Variants in ME3 observed in about 807,000 individuals in gnomAD.
The protein encoded by ME3 is malic enzyme 3.
ME3 carries 48 observed loss-of-function variants against 68.9 expected under a neutral mutation model. The ratio of observed to expected loss-of-function variants is 0.70; its 90% CI spans 0.55 to 0.89. ME3 has a LOEUF of 0.89. ME3 is among the 40% of genes least tolerant of loss of function. ME3 has a pLI of 0.00. For synonymous variants in ME3, 320 were observed against 318.8 expected, an observed-to-expected ratio of 1.00 and a Z score of -0.04; for missense variants, 675 against 797.4, an observed-to-expected ratio of 0.85 and a Z score of 1.85.
At chr11:86,442,900 G>T (rs780324136) in exon 14 of ME3, 1 of 1,612,856 alleles carries the variant, frequency 6.2e-7, no homozygotes, top group South Asian at 1.1e-5. Context: ...ATGCTGCTCA[G>T]AGACTTCCTG....
intron 4 of ME3, among the ~76,000 whole-genome samples, chr11:86,519,698 G>A (rs1954131590): frequency 6.6e-6 from 1 of 152,218 alleles, no homozygotes; most frequent in African/African-American, 2.4e-5. Flanking sequence ...CCTGCAAGAT[G>A]CTATTTTTAG....
At chr11:86,670,430 T>C (rs1200751073) in intron 2 of ME3, among the ~76,000 whole-genome samples, 2 of 152,330 alleles carry the variant, frequency 1.3e-5, no homozygotes, top group Non-Finnish European at 2.9e-5. Flanking sequence ...CAACCCTTCC[T>C]CTAGATTCTT....
intron 2 of ME3, among the ~76,000 whole-genome samples, chr11:86,626,349 C>T (rs1468748970): frequency 6.6e-6 from 1 of 152,206 alleles, no homozygotes; most frequent in Non-Finnish European, 1.5e-5. Context: ...CCAGGGAATG[C>T]TTCTTCACCT....
At chr11:86,593,317 C>T (rs1959164533) in intron 2 of ME3, among the ~76,000 whole-genome samples, 1 of 146,752 alleles carries the variant, frequency 6.8e-6, no homozygotes, top group African/African-American at 2.5e-5. Flanking sequence ...GGAATTTTAA[C>T]ACCTGTCATA....
chr11:86,446,534 G>C (rs771393541), intron 12 of ME3, 47 bp from the exon 13 acceptor site: 19 of 1,582,778 alleles, frequency 1.2e-5, no homozygotes, highest in Non-Finnish European at 8.7e-7. Context: ...ATTGGTTTGG[G>C]GTAATAATAG....
intron 10 of ME3, among the ~76,000 whole-genome samples, chr11:86,449,195 T>A (rs949689723): frequency 2.0e-5 from 3 of 152,252 alleles, no homozygotes; most frequent in African/African-American, 7.2e-5. Context: ...TGACATTCTA[T>A]GTTAGTGAAA....
At chr11:86,477,251 G>T (rs969489735) in intron 7 of ME3, among the ~76,000 whole-genome samples, 5 of 152,152 alleles carry the variant, frequency 3.3e-5, no homozygotes, top group African/African-American at 9.7e-5. Context: ...TCTAGAATTC[G>T]TGCTTTTAAC....
At chr11:86,490,323 G>T (rs1041953286) in intron 6 of ME3, among the ~76,000 whole-genome samples, 6 of 152,110 alleles carry the variant, frequency 3.9e-5, no homozygotes, top group Non-Finnish European at 8.8e-5. Flanking sequence ...CCCTGGATTG[G>T]ACACCCTTGA....
intron 2 of ME3, among the ~76,000 whole-genome samples, chr11:86,652,334 C>A (rs1173656572): frequency 6.6e-6 from 1 of 152,152 alleles, no homozygotes; most frequent in Non-Finnish European, 1.5e-5. Context: ...ATGTTAAGGG[C>A]AGCCAGAGAA....
At chr11:86,649,429 C>T (rs1041064801) in intron 2 of ME3, among the ~76,000 whole-genome samples, 3 of 152,326 alleles carry the variant, frequency 2.0e-5, no homozygotes, top group African/African-American at 2.4e-5. Context: ...TCTCTCACCA[C>T]TCCTATTCAA....
chr11:86,523,694 T>C (rs1248185503), intron 4 of ME3, among the ~76,000 whole-genome samples: 1 of 152,154 alleles, frequency 6.6e-6, no homozygotes, highest in Non-Finnish European at 1.5e-5. Flanking sequence ...TGAAGAAGTA[T>C]ACATGCAATT....
At chr11:86,635,995 G>T (rs995561885) in intron 2 of ME3, among the ~76,000 whole-genome samples, 2 of 152,140 alleles carry the variant, frequency 1.3e-5, no homozygotes, top group Non-Finnish European at 2.9e-5. Context: ...CCTAGTCCCC[G>T]TATCCTGGGA....
At chr11:86,539,729 C>A (rs1955918148) in intron 4 of ME3, among the ~76,000 whole-genome samples, 1 of 152,152 alleles carries the variant, frequency 6.6e-6, no homozygotes, top group African/African-American at 2.4e-5. Flanking sequence ...CTGCAGAAGT[C>A]CATTTTCCAC....
intron 2 of ME3, among the ~76,000 whole-genome samples, chr11:86,599,494 C>A (rs1195440200): frequency 6.6e-6 from 1 of 152,138 alleles, no homozygotes; most frequent in African/African-American, 2.4e-5. Flanking sequence ...CTGAAAGTGA[C>A]GGGGAGAATG....
intron 5 of ME3, among the ~76,000 whole-genome samples, chr11:86,503,042 C>G (rs1952830189): frequency 6.6e-6 from 1 of 152,056 alleles, no homozygotes; most frequent in Non-Finnish European, 1.5e-5. Context: ...TTTTATCCTC[C>G]TCCTCCTCTT....
At chr11:86,666,431 C>G (rs1362947056) in intron 2 of ME3, among the ~76,000 whole-genome samples, 4 of 152,204 alleles carry the variant, frequency 2.6e-5, no homozygotes, top group Non-Finnish European at 2.9e-5. Context: ...AAATATACTT[C>G]TATCTTATTT....
chr11:86,449,275 T>C (rs768877761), intron 10 of ME3, among the ~76,000 whole-genome samples: 9 of 152,268 alleles, frequency 5.9e-5, no homozygotes, highest in Non-Finnish European at 8.8e-5. Context: ...CAACACGTGC[T>C]AGCTGGAAGC....
chr11:86,510,841 G>A (rs915915801), intron 4 of ME3, among the ~76,000 whole-genome samples: 1 of 152,142 alleles, frequency 6.6e-6, no homozygotes, highest in Admixed American at 6.5e-5. Context: ...TTCAAACTTA[G>A]CATGTACCAA....
intron 4 of ME3, among the ~76,000 whole-genome samples, chr11:86,534,333 T>C (rs1371538940): frequency 2.0e-5 from 3 of 152,180 alleles, no homozygotes; most frequent in Admixed American, 2.0e-4. Flanking sequence ...ACTTTTCTAC[T>C]TTATACACTT....
Sources: allele counts gnomAD v4.1 joint callset (sites outside exome capture counted in the v4.1 genomes callset), GRCh38; gene constraint gnomAD v4.1.1; transcripts MANE v1.5; gene names NCBI Gene and HGNC (gene_info 2026-07-23, HGNC 2026-07-21).